Variants in ZBTB4 observed in about 807,000 individuals in gnomAD.
The protein encoded by ZBTB4 is zinc finger and BTB domain-containing protein 4.
ZBTB4 carries 14 observed loss-of-function variants against 59.8 expected under a neutral mutation model. The ratio of observed to expected loss-of-function variants is 0.23; its 90% CI spans 0.15 to 0.37. The LOEUF is 0.37. Ranked by LOEUF, ZBTB4 falls within the 10% of genes least tolerant of loss-of-function variation. The pLI is 1.00. For synonymous variants in ZBTB4, 587 were observed against 575.2 expected (o/e 1.02, Z -0.29); for missense variants, 1,198 against 1,380.8 (o/e 0.87, Z 2.10).
chr17:7,483,278 G>A (rs116376687), upstream of ZBTB4: 18,501 of 581,694 alleles, frequency 0.032, 400 homozygotes, highest in East Asian at 0.07. Flanking sequence ...CTGAGGCAGG[G>A]AGGCCGTGGG....
intron 1 of ZBTB4, among the ~76,000 whole-genome samples, chr17:7,474,376 C>T (rs537824157): frequency 1.3e-5 from 2 of 152,006 alleles, no homozygotes; most frequent in South Asian, 2.1e-4. Flanking sequence ...TGCCACCACG[C>T]CCAGCGAATT....
At position 7,462,453 on chromosome 17, in the gene ZBTB4, C is replaced by G; in HGVS notation, c.2529G>C (p.Glu843Asp). The G allele has an allele frequency of 6.2e-7, 1 of 1,613,882 alleles. No individual in the cohort carries two copies. The highest frequency in any genetic ancestry group is 8.5e-7 in the Non-Finnish European group (1 of 1,180,010). The change falls in exon 4 of 4, where the codon GAG (glutamate) becomes GAC (aspartate). Residue 843 changes from glutamate to aspartate, a missense_variant. This residue lies in a region of ZBTB4 where 211 missense variants were observed against 236.1 expected (regional missense o/e 0.89). Transcript: ENST00000380599. This position sits in a 1 kb window ranked among gnomAD's most constrained non-coding sequence, Gnocchi z 7.5. Reference protein sequence around the residue: ...GGSTAAEEASETASLQDPIIS... With the variant: ...GGSTAAEEASDTASLQDPIIS... The stretch of plus-strand genomic sequence containing the variant: ...TGATAGGGTCCTGGAGTGAGGCGGT[C>G]TCGGAAGCTTCCTCAGCAGCAGTGC...
Position 7,459,578 on chromosome 17 carries a change from AAG to A in ZBTB4, c.*2360_*2361del, listed in dbSNP as rs1433614534. ...CCCGTCTTCCCAGGGAACATGGGGA[AAG>A]AGGGCACGAACTGACAAGACTTGAT... On this transcript the variant is annotated 3_prime_UTR_variant, in exon 4 of 4. Coordinates refer to ENST00000380599, the MANE Select transcript of ZBTB4 (RefSeq NM_001128833.2). 6.6e-6 allele frequency: 1 copy of A among 152,264 alleles called. No individual in the cohort carries two copies. Among genetic ancestry groups the A allele is most frequent in the Non-Finnish European group, 1.5e-5 (1 of 68,032 alleles). 9.4% of individuals were successfully genotyped at this position (152,264 alleles called of 1,614,324 possible). A position where few individuals can be genotyped will look rare whatever the true frequency, so the allele number is the denominator to read the frequency against.
intron 1 of ZBTB4, among the ~76,000 whole-genome samples, chr17:7,474,220 CTT>C (rs67462449): frequency 1.7e-5 from 2 of 116,116 alleles, no homozygotes; most frequent in African/African-American, 3.3e-5. Context: ...CATGGCCAGA[CTT>C]TTTTTTTTTT....
chr17:7,482,760 T>G, upstream of ZBTB4: 7 of 1,611,976 alleles, frequency 4.3e-6, no homozygotes, highest in Middle Eastern at 2.3e-4. Flanking sequence ...GTGGGGGCAG[T>G]GGGGATCCTC....
upstream of ZBTB4, chr17:7,482,583 G>A (rs1732917066): frequency 1.2e-6 from 2 of 1,612,260 alleles, no homozygotes; most frequent in South Asian, 2.2e-5. Flanking sequence ...TTCGTGGGAG[G>A]ACTGGCGCTG....
chr17:7,474,291 C>T (rs1189691557), intron 1 of ZBTB4, among the ~76,000 whole-genome samples: 3 of 151,088 alleles, frequency 2.0e-5, no homozygotes, highest in Non-Finnish European at 1.5e-5. Context: ...CCACAGCTCC[C>T]TGCAGCCTTG....
rs1477588097 is a variant in ZBTB4 at position 7,466,948 on chromosome 17, G to T, written c.-9-138C>A. On this transcript the variant is annotated intron_variant, in intron 2 of 3. Transcript: ENST00000380599. The surrounding 1 kb of genome is among the most constrained non-coding windows in gnomAD (Gnocchi z 9.1). ...GGCTGAATCACTTCTGGTCACAGAA[G>T]TCAGGGGTTGGCCCTTAGCCACCCA... 1.4e-6 allele frequency: 2 copies of T among 1,409,010 alleles called. No homozygotes were observed. The highest frequency in any genetic ancestry group is 1.9e-6 in the Non-Finnish European group (2 of 1,077,652). The allele number at this position is 1,409,010 out of a possible 1,614,324, so 87.3% of individuals were successfully genotyped here.
chr17:7,465,859 C>T lies in ZBTB4; in HGVS notation c.943G>A (p.Glu315Lys), dbSNP rs779853843. 1.2e-6 allele frequency: 2 copies of T among 1,614,158 alleles called. No individual in the cohort carries two copies. The highest frequency in any genetic ancestry group is 1.3e-5 in the African/African-American group (1 of 75,052). ...GHVLYVCAAC[E>K]RSYVTLSSLK... ...CTGGACAGGGTCACGTAGGAACGCT[C>T]GCAGGCCGCGCACACATACAGCACG... The change falls in exon 3 of 4, where the codon GAG becomes AAG. Residue 315 changes from glutamate (E) to lysine (K), a missense_variant. Glu to Lys is a moderately conservative substitution (Grantham distance 56). Around this residue, in one of 9 missense-constraint regions of ZBTB4, gnomAD observed 204 missense variants for 205.5 expected, o/e 0.99. Coordinates refer to ENST00000380599, the MANE Select transcript of ZBTB4 (RefSeq NM_001128833.2).
At position 7,465,872 on chromosome 17, in the gene ZBTB4, C is replaced by T. The variant is rs759754690; in HGVS notation, c.930G>A (p.Val310=). 4.3e-6 allele frequency: 7 copies of T among 1,614,092 alleles called. No homozygotes were observed. The highest frequency in any genetic ancestry group is 5.9e-6 in the Non-Finnish European group (7 of 1,179,972). The change falls in exon 3 of 4, where the codon GTG becomes GTA. Residue 310 remains valine, a synonymous_variant. Transcript: ENST00000380599. ...VKVVGGHVLY[V]CAACERSYVT... ...CGTAGGAACGCTCGCAGGCCGCGCA[C>T]ACATACAGCACGTGGCCGCCCACCA...
rs745688068 is a variant in ZBTB4, at chr17:7,466,683, T to C, written c.119A>G (p.Lys40Arg). 6.2e-7 allele frequency: 1 copy of C among 1,612,022 alleles called. No homozygotes were observed. Among genetic ancestry groups the C allele is most frequent in the Non-Finnish European group, 8.5e-7 (1 of 1,179,428 alleles). The change falls in exon 3 of 4, where the codon AAG becomes AGG. Residue 40 changes from lysine (K) to arginine (R), a missense_variant. By Grantham distance (26) the Lys-to-Arg change is conservative (BLOSUM62 2). Around this residue, in one of 9 missense-constraint regions of ZBTB4, gnomAD observed 44 missense variants for 86.2 expected, o/e 0.51. Transcript: ENST00000380599. This position sits in a 1 kb window ranked among gnomAD's most constrained non-coding sequence, Gnocchi z 9.1. ...CDVTLIAGDT[K>R]FPAHRSVLAA... is the part of the protein sequence containing the mutation. Reference sequence around the variant, plus strand: ...CAGGACGCTGCGGTGAGCAGGGAACTTGGTGTCTCCGGCTATGAGGGTGAC... The same window carrying C: ...CAGGACGCTGCGGTGAGCAGGGAACCTGGTGTCTCCGGCTATGAGGGTGAC...
chr17:7,463,984 C>T (rs944843660), intron 3 of ZBTB4, 94 bp from the exon 4 acceptor site: 3 of 1,509,710 alleles, frequency 2.0e-6, no homozygotes, highest in Non-Finnish European at 1.8e-6. Context: ...TGCACTCAAA[C>T]CTGTGACTCC....
upstream of ZBTB4, chr17:7,482,006 T>G (rs375334279): frequency 1.2e-6 from 2 of 1,601,866 alleles, no homozygotes; most frequent in Non-Finnish European, 1.7e-6. Context: ...TCACCCCTAC[T>G]TGAACCCGCC....
rs374332260 is a variant in ZBTB4, at chr17:7,475,860, T to C, written c.-81+3596A>G. 2.8e-4 allele frequency among the ~76,000 whole-genome samples: 43 copies of C among 152,314 alleles called. 1 individual carries two copies. The East Asian group carries it at 2.9e-3, about 10-fold the overall frequency. On this transcript the variant is annotated intron_variant, in intron 1 of 3. Transcript: ENST00000380599. ...TCCAGGCCCAGCTGACCCCAGATGC[T>C]CAATCTTTCCCTCTGCCATACTGCT... is the stretch of plus-strand genomic sequence containing the variant.
upstream of ZBTB4, among the ~76,000 whole-genome samples, chr17:7,480,099 G>A (rs1309491290): frequency 1.3e-5 from 2 of 152,042 alleles, no homozygotes; most frequent in Non-Finnish European, 2.9e-5. Context: ...GAATGCGCAG[G>A]AAAGCTCAGC....
rs200881841 is a variant in ZBTB4, at chr17:7,463,132, C to T, written c.1850G>A (p.Arg617His). 2.1e-5 allele frequency: 34 copies of T among 1,607,774 alleles called. No homozygotes were observed. Among genetic ancestry groups the T allele is most frequent in the East Asian group, 4.5e-5 (2 of 44,794 alleles). Residue 617 changes from arginine (R) to histidine (H), a missense_variant, in exon 4 of 4, where the codon CGC becomes CAC. Arg to His is a conservative substitution (Grantham distance 29). Around this residue, in one of 9 missense-constraint regions of ZBTB4, gnomAD observed 550 missense variants for 541.8 expected, o/e 1.02. Transcript: ENST00000380599. ...AGGACGCAGGTCAGTCTCTGAGATG[C>T]GGCGCTTGACGATGGCCTCCTCCCC... The part of the protein sequence containing the change: ...RIGEEAIVKR[R>H]ISETDLRPGE...
intron 1 of ZBTB4, among the ~76,000 whole-genome samples, chr17:7,478,592 G>C (rs2070301186): frequency 6.6e-6 from 1 of 152,160 alleles, no homozygotes; most frequent in African/African-American, 2.4e-5. Flanking sequence ...AACACATACA[G>C]CATGCCAGCT....
In ZBTB4 at chr17:7,462,646, G is replaced by A; in HGVS notation, c.2336C>T (p.Ala779Val). The A allele has an allele frequency of 6.2e-7, 1 of 1,608,218 alleles. No homozygotes were observed. Among genetic ancestry groups the A allele is most frequent in the Non-Finnish European group, 8.5e-7 (1 of 1,178,258 alleles). The part of the protein sequence containing the change: ...HCAKVCKTAA[A>V]LSRHGQRHAA... ...ATGCCTCTGCCCGTGGCGGCTCAGG[G>A]CAGCTGCGGTCTTGCACACCTTGGC... The change falls in exon 4 of 4, where the codon GCC becomes GTC. Residue 779 changes from alanine to valine, a missense_variant. Ala to Val is a moderately conservative substitution (Grantham distance 64, BLOSUM62 0). Coordinates refer to ENST00000380599, the MANE Select transcript of ZBTB4 (RefSeq NM_001128833.2). This position sits in a 1 kb window ranked among gnomAD's most constrained non-coding sequence, Gnocchi z 7.5.
Position 7,466,347 on chromosome 17 carries a change from C to T in ZBTB4, c.455G>A (p.Gly152Asp). The part of the protein sequence containing the change: ...FIYSARLALP[G>D]GGGDGAAVAE... The stretch of plus-strand genomic sequence containing the variant: ...TACAGCTGCCCCGTCCCCTCCACCA[C>T]CAGGCAGTGCGAGCCGGGCGCTGTA... Residue 152 changes from glycine to aspartate, a missense_variant, in exon 3 of 4, where the codon GGT becomes GAT. Gly to Asp is a moderately conservative substitution (Grantham distance 94, BLOSUM62 -1). Coordinates refer to ENST00000380599, the MANE Select transcript of ZBTB4 (RefSeq NM_001128833.2). The surrounding 1 kb of genome is among the most constrained non-coding windows in gnomAD (Gnocchi z 9.1). The T allele has an allele frequency of 6.2e-7, 1 of 1,614,096 alleles. No individual in the cohort carries two copies.
Sources: allele counts gnomAD v4.1 joint callset (sites outside exome capture counted in the v4.1 genomes callset), GRCh38; gene constraint gnomAD v4.1.1; regional missense constraint gnomAD v4.1.1; non-coding constraint Gnocchi (gnomAD v3.1); transcripts MANE v1.5; gene names NCBI Gene and HGNC (gene_info 2026-07-23, HGNC 2026-07-21).